Variants in GSKIP observed in about 807,000 individuals in gnomAD.
GSKIP encodes the protein GSK3B-interacting protein.
Under a neutral mutation model 11.9 loss-of-function variants are expected in GSKIP, and 5 were observed. The ratio of observed to expected loss-of-function variants is 0.42; its 90% CI spans 0.22 to 0.89. The LOEUF (loss-of-function observed/expected upper bound fraction) is 0.89. Among genes scored for constraint, GSKIP ranks in the 40% least tolerant of loss-of-function variants. The pLI is 0.29. For synonymous variants in GSKIP, 70 were observed against 62.9 expected, an observed-to-expected ratio of 1.11 and a Z score of -0.54; for missense variants, 150 against 166.6, an observed-to-expected ratio of 0.90 and a Z score of 0.55.
rs575081607 is a variant in GSKIP at position 96,386,062 on chromosome 14, T to G, written c.*378T>G. 3.9e-5 allele frequency: 6 copies of G among 155,254 alleles called. No individual in the cohort carries two copies. Among genetic ancestry groups the G allele is most frequent in the African/African-American group, 1.2e-4 (5 of 41,618 alleles). 9.6% of individuals were successfully genotyped at this position (155,254 alleles called of 1,614,324 possible). A position where few individuals can be genotyped will look rare whatever the true frequency, so the allele number is the denominator to read the frequency against. On this transcript the variant is annotated 3_prime_UTR_variant, in exon 4 of 4. Coordinates refer to ENST00000555181, the MANE Select transcript of GSKIP (RefSeq NM_016472.5). The stretch of plus-strand genomic sequence containing the variant: ...ATTAGAAGTACCTAACTATACACTT[T>G]GATTCAGCCTGCTAAATCAGGGGTT...
intron 3 of GSKIP, among the ~76,000 whole-genome samples, chr14:96,384,371 G>A (rs1209334616): frequency 6.6e-6 from 1 of 151,610 alleles, no homozygotes; most frequent in African/African-American, 2.4e-5. Flanking sequence ...ATTTTCCTTA[G>A]GTGTCTGCCT....
chr14:96,377,866 G>C (rs771433668), intron 1 of GSKIP, among the ~76,000 whole-genome samples: 1 of 152,104 alleles, frequency 6.6e-6, no homozygotes, highest in African/African-American at 2.4e-5. Flanking sequence ...ACCTTGAGAT[G>C]GTGCCTTTAA....
intron 2 of GSKIP, among the ~76,000 whole-genome samples, chr14:96,382,042 CT>C (rs1040005032): frequency 2.0e-5 from 3 of 151,688 alleles, no homozygotes; most frequent in African/African-American, 4.8e-5. Flanking sequence ...AAGGGAGATT[CT>C]TTTTTTTGAA....
intron 1 of GSKIP, among the ~76,000 whole-genome samples, chr14:96,376,697 A>G (rs1457939302): frequency 6.6e-6 from 1 of 152,170 alleles, no homozygotes; most frequent in African/African-American, 2.4e-5. Flanking sequence ...AATAATTATG[A>G]TGTGTGTGTA....
intron 1 of GSKIP, among the ~76,000 whole-genome samples, chr14:96,372,882 T>C (rs1269966833): frequency 2.0e-5 from 3 of 152,192 alleles, no homozygotes; most frequent in Non-Finnish European, 4.4e-5. Context: ...AGCCTGTAGC[T>C]GAATACTAAT....
At chr14:96,375,770 CAAG>C (rs1254078791) in intron 1 of GSKIP, among the ~76,000 whole-genome samples, 1 of 152,146 alleles carries the variant, frequency 6.6e-6, no homozygotes, top group African/African-American at 2.4e-5. Context: ...CTGAGAAGTC[CAAG>C]GTAGAGGGGT....
At chr14:96,363,673 C>A (rs1595342010) in intron 1 of GSKIP, 105 bp downstream of exon 1, 1 of 152,258 alleles carries the variant, frequency 6.6e-6, no homozygotes, top group East Asian at 2.0e-4. Flanking sequence ...GGACGCGACG[C>A]CATGCAGCTG....
chr14:96,381,261 A>G (rs1392864675), intron 2 of GSKIP, among the ~76,000 whole-genome samples: 4 of 152,220 alleles, frequency 2.6e-5, no homozygotes, highest in African/African-American at 9.6e-5. Context: ...CCTGGCAGTA[A>G]TATTTGATCA....
At chr14:96,382,878 TCG>T (rs1959947772) in intron 3 of GSKIP, among the ~76,000 whole-genome samples, 2 of 152,192 alleles carry the variant, frequency 1.3e-5, no homozygotes, top group Admixed American at 6.5e-5. Flanking sequence ...CTTGAAAATG[TCG>T]CTTCTGTTAA....
At chr14:96,383,206 T>TC (rs1889397126) in intron 3 of GSKIP, among the ~76,000 whole-genome samples, 1 of 152,110 alleles carries the variant, frequency 6.6e-6, no homozygotes, top group African/African-American at 2.4e-5. Context: ...GAGCAGAAGT[T>TC]CAAGACCAGC....
intron 2 of GSKIP, among the ~76,000 whole-genome samples, chr14:96,381,983 T>C (rs1157678792): frequency 6.6e-6 from 1 of 152,212 alleles, no homozygotes; most frequent in Non-Finnish European, 1.5e-5. Context: ...AAACACAATA[T>C]TCTAAATGCT....
At chr14:96,373,799 A>C (rs137983151) in intron 1 of GSKIP, among the ~76,000 whole-genome samples, 1 of 152,330 alleles carries the variant, frequency 6.6e-6, no homozygotes. Flanking sequence ...AAGACCCAGA[A>C]AGATCAAGCT....
chr14:96,375,436 C>CT (rs202163260), intron 1 of GSKIP, among the ~76,000 whole-genome samples: 6,358 of 114,298 alleles, frequency 0.056, 354 homozygotes, highest in Admixed American at 0.13. Flanking sequence ...CTTTTTCTCT[C>CT]TTTTTTTTTT....
At chr14:96,367,744 C>T (rs529841060) in intron 1 of GSKIP, among the ~76,000 whole-genome samples, 4 of 152,260 alleles carry the variant, frequency 2.6e-5, no homozygotes, top group African/African-American at 4.8e-5. Flanking sequence ...ACCCGAACAC[C>T]GCCCAAAAAT....
intron 1 of GSKIP, among the ~76,000 whole-genome samples, chr14:96,378,774 A>C (rs1299930545): frequency 3.3e-5 from 5 of 152,210 alleles, no homozygotes; most frequent in Non-Finnish European, 7.3e-5. Context: ...ACTGCCTTTC[A>C]TTATGGGTAG....
At chr14:96,384,357 A>AT (rs1424837064) in intron 3 of GSKIP, among the ~76,000 whole-genome samples, 1 of 151,956 alleles carries the variant, frequency 6.6e-6, no homozygotes, top group Non-Finnish European at 1.5e-5. Flanking sequence ...AAGAGGTGTG[A>AT]TTCATTTTCC....
intron 1 of GSKIP, among the ~76,000 whole-genome samples, chr14:96,379,322 G>T (rs55838659): frequency 0.18 from 27,179 of 152,098 alleles, 2,620 homozygotes; most frequent in Middle Eastern, 0.21. Flanking sequence ...AAAGTGACCA[G>T]GAAGAATTTC....
chr14:96,376,475 G>A (rs929174485), intron 1 of GSKIP, among the ~76,000 whole-genome samples: 4 of 152,172 alleles, frequency 2.6e-5, no homozygotes, highest in South Asian at 2.1e-4. Flanking sequence ...TAACCATTAC[G>A]TCATAGATTA....
chr14:96,375,285 G>A (rs1021959994), intron 1 of GSKIP, among the ~76,000 whole-genome samples: 1 of 152,066 alleles, frequency 6.6e-6, no homozygotes, highest in Non-Finnish European at 1.5e-5. Flanking sequence ...CAAAGAAATA[G>A]CAAGACAGCA....
Sources: gnomAD v4.1 joint callset for allele counts (sites outside exome capture counted in the v4.1 genomes callset) on GRCh38, gnomAD v4.1.1 for gene constraint, MANE v1.5 for transcripts, NCBI Gene and HGNC (gene_info 2026-07-23, HGNC 2026-07-21) for gene names.